The following ZFYVE28 variants were observed in gnomAD, a reference collection of about 807,000 sequenced individuals.
ZFYVE28 encodes the protein zinc finger FYVE-type containing 28.
A neutral mutation model predicts 82.1 loss-of-function variants in ZFYVE28; 40 were observed. That is an observed-to-expected ratio of 0.49 (90% confidence interval 0.38 to 0.63). ZFYVE28 has a LOEUF of 0.63. Among genes scored for constraint, ZFYVE28 ranks in the 30% least tolerant of loss-of-function variants. The probability of loss-of-function intolerance (pLI) is 0.00; values close to 1 mark genes in which losing one functional copy is unlikely to be tolerated. For synonymous variants in ZFYVE28, 612 were observed against 546.1 expected (o/e 1.12, Z -1.68); for missense variants, 1,321 against 1,242.1 (o/e 1.06, Z -0.96).
At chr4:2,296,405 C>T (rs188619587) in intron 8 of ZFYVE28, among the ~76,000 whole-genome samples, 1 of 152,342 alleles carries the variant, frequency 6.6e-6, no homozygotes, top group East Asian at 1.9e-4. Context: ...TGGTCTTATC[C>T]CCGACTCACC....
At chr4:2,403,424 C>T (rs1310364722) in intron 1 of ZFYVE28, among the ~76,000 whole-genome samples, 12 of 152,260 alleles carry the variant, frequency 7.9e-5, no homozygotes, top group African/African-American at 2.2e-4. Flanking sequence ...TCTCGGAGCA[C>T]GGCCCTGGCC....
At chr4:2,297,607 C>T (rs922284841) in intron 8 of ZFYVE28, among the ~76,000 whole-genome samples, 1 of 152,256 alleles carries the variant, frequency 6.6e-6, no homozygotes, top group Non-Finnish European at 1.5e-5. Context: ...AGAGGCAAAG[C>T]CAAGACTGAT....
At chr4:2,277,221 T>G (rs903722990) in intron 8 of ZFYVE28, among the ~76,000 whole-genome samples, 1 of 152,260 alleles carries the variant, frequency 6.6e-6, no homozygotes, top group Non-Finnish European at 1.5e-5. Flanking sequence ...GGCTCATGCC[T>G]GTAATCCTAG....
rs1720869609 is a variant in ZFYVE28, at chr4:2,332,498, T to TC, written c.701+3206dup. 6.6e-6 allele frequency among the ~76,000 whole-genome samples: 1 copy of TC among 151,938 alleles called. No individual in the cohort carries two copies. The highest frequency in any genetic ancestry group is 1.5e-5 in the Non-Finnish European group (1 of 67,962). On this transcript the variant is annotated intron_variant, in intron 6 of 12. Transcript: ENST00000290974. The surrounding 1 kb of genome is among the most constrained non-coding windows in gnomAD (Gnocchi z 4.7). Reference sequence around the variant, plus strand: ...CACCCCATGGGGTCCCTGCACTGAGTCCCCCTTCCAGCATCCAGAACATTC... The same window carrying TC: ...CACCCCATGGGGTCCCTGCACTGAGTCCCCCCTTCCAGCATCCAGAACATTC...
At chr4:2,369,129 A>G (rs1443403704) in intron 1 of ZFYVE28, among the ~76,000 whole-genome samples, 1 of 152,134 alleles carries the variant, frequency 6.6e-6, no homozygotes, top group African/African-American at 2.4e-5. Context: ...GAGACCATAC[A>G]CTAAGGGCAG....
Position 2,335,818 on chromosome 4 carries a change from G to C in ZFYVE28, c.612-24C>G, listed in dbSNP as rs1721598911. On this transcript the variant is annotated intron_variant, in intron 5 of 12. Coordinates refer to ENST00000290974, the MANE Select transcript of ZFYVE28 (RefSeq NM_020972.3). The surrounding 1 kb of genome is among the most constrained non-coding windows in gnomAD (Gnocchi z 5.8). ...CCCTGTCCGGGGAGACGGACAGTGA[G>C]CAGCATGAGGGCTGGCCCACCACAG... is the stretch of plus-strand genomic sequence containing the variant. 6.5e-7 allele frequency: 1 copy of C among 1,544,592 alleles called. No individual in the cohort carries two copies. Among genetic ancestry groups the C allele is most frequent in the African/African-American group, 1.4e-5 (1 of 73,088 alleles).
chr4:2,395,642 C>A (rs979063592), intron 1 of ZFYVE28, among the ~76,000 whole-genome samples: 1 of 152,344 alleles, frequency 6.6e-6, no homozygotes, highest in South Asian at 2.1e-4. Flanking sequence ...AACCTGGGAG[C>A]AGGAAACAGG....
intron 8 of ZFYVE28, among the ~76,000 whole-genome samples, chr4:2,289,852 G>A (rs1713328922): frequency 6.6e-6 from 1 of 152,116 alleles, no homozygotes; most frequent in African/African-American, 2.4e-5. Context: ...AGTCATCACG[G>A]TGGTGTCCAG....
intron 8 of ZFYVE28, among the ~76,000 whole-genome samples, chr4:2,276,396 C>G (rs1192410362): frequency 6.6e-6 from 1 of 152,176 alleles, no homozygotes; most frequent in South Asian, 2.1e-4. Flanking sequence ...TGCCCTCTGC[C>G]CTGGGAGCTG....
chr4:2,298,582 G>A (rs376879390), intron 8 of ZFYVE28, among the ~76,000 whole-genome samples: 2 of 152,222 alleles, frequency 1.3e-5, no homozygotes, highest in African/African-American at 4.8e-5. Flanking sequence ...GCCACTGTCT[G>A]TCCTGAGAAG....
chr4:2,404,855 C>CTTTT (rs1307938592), intron 1 of ZFYVE28, among the ~76,000 whole-genome samples: 1 of 64,790 alleles, frequency 1.5e-5, no homozygotes, highest in African/African-American at 6.0e-5. Flanking sequence ...CTCAGTCTCG[C>CTTTT]TCTTTTTTTT....
At chr4:2,276,808 G>T (rs1736498161) in intron 8 of ZFYVE28, among the ~76,000 whole-genome samples, 1 of 151,932 alleles carries the variant, frequency 6.6e-6, no homozygotes, top group Non-Finnish European at 1.5e-5. Context: ...GTGGGCAGAG[G>T]GCGGGGAGTC....
chr4:2,308,675 A>AAGAAAGAAAGAAAGAGAGAGAG (rs1200372952), intron 7 of ZFYVE28, among the ~76,000 whole-genome samples: 2 of 93,146 alleles, frequency 2.1e-5, no homozygotes, highest in African/African-American at 8.4e-5. Context: ...GAAAGAAAGA[A>AAGAAAGAAAGAAAGAGAGAGAG]AGAGAAAGAA....
chr4:2,364,492 G>A lies in ZFYVE28; in HGVS notation c.40-10419C>T, dbSNP rs148576290. The A allele has an allele frequency of 7.4e-3, 7,332 of 985,484 alleles. 28 individuals are homozygous for A. The highest frequency in any genetic ancestry group is 8.3e-3 in the Non-Finnish European group (6,908 of 829,956). The allele number at this position is 985,484 out of a possible 1,614,324, so 61.0% of individuals were successfully genotyped here. On this transcript the variant is annotated intron_variant, in intron 1 of 12. Transcript: ENST00000290974. ...ACATCAATAAGTACTTTACCCAGAG[G>A]GTGGCTGTGCCTGTTTAGAGGAATC... is the stretch of plus-strand genomic sequence containing the variant.
intron 7 of ZFYVE28, among the ~76,000 whole-genome samples, chr4:2,311,871 G>A (rs1215890832): frequency 6.6e-6 from 1 of 152,074 alleles, no homozygotes; most frequent in African/African-American, 2.4e-5. Flanking sequence ...CAAACTCCTG[G>A]GTTCAAGCAA....
intron 1 of ZFYVE28, among the ~76,000 whole-genome samples, chr4:2,387,382 G>A (rs1729385887): frequency 6.6e-6 from 1 of 152,206 alleles, no homozygotes; most frequent in Non-Finnish European, 1.5e-5. Flanking sequence ...CCATCACTTG[G>A]CCTGCTTGCC....
rs1361046452 is a variant in ZFYVE28 at position 2,416,726 on chromosome 4, G to A, written c.39+1559C>T. On this transcript the variant is annotated intron_variant, in intron 1 of 12. Coordinates refer to ENST00000290974, the MANE Select transcript of ZFYVE28 (RefSeq NM_020972.3). The surrounding 1 kb of genome is among the most constrained non-coding windows in gnomAD (Gnocchi z 4.6). ...CCCAGCGCCAGGAAACGCAAGGCTC[G>A]GGACGAACCCTTAAGAAGTCGCTGC... is the stretch of plus-strand genomic sequence containing the variant. 2.6e-5 allele frequency among the ~76,000 whole-genome samples: 4 copies of A among 152,300 alleles called. No homozygotes were observed. The highest frequency in any genetic ancestry group is 6.5e-5 in the Admixed American group (1 of 15,300).
chr4:2,294,532 G>A (rs761871014), intron 8 of ZFYVE28, among the ~76,000 whole-genome samples: 1 of 152,110 alleles, frequency 6.6e-6, no homozygotes, highest in Non-Finnish European at 1.5e-5. Context: ...GTGACTGTGG[G>A]CTATGAAAAT....
At chr4:2,314,214 C>T (rs1458031302) in intron 7 of ZFYVE28, among the ~76,000 whole-genome samples, 1 of 152,184 alleles carries the variant, frequency 6.6e-6, no homozygotes, top group African/African-American at 2.4e-5. Flanking sequence ...AATATAACTA[C>T]AACAACTTTC....
Sources: gnomAD v4.1 joint callset for allele counts (sites outside exome capture counted in the v4.1 genomes callset) on GRCh38, gnomAD v4.1.1 for gene constraint, Gnocchi (gnomAD v3.1) non-coding constraint, MANE v1.5 for transcripts, NCBI Gene and HGNC (gene_info 2026-07-23, HGNC 2026-07-21) for gene names.